SCFD2: variants seen among roughly 807,000 people sequenced by gnomAD.
SCFD2 encodes the protein sec1 family domain containing 2.
In SCFD2, 54 loss-of-function variants were observed where a neutral mutation model predicts 58.9. The observed-to-expected ratio is 0.92, with a 90% confidence interval of 0.74 to 1.15. The LOEUF (loss-of-function observed/expected upper bound fraction) is 1.15, where lower values mean the gene tolerates loss of function less well. SCFD2 is among the 50% of genes most tolerant of loss of function. The pLI, the probability that SCFD2 is intolerant of heterozygous loss-of-function variation, is 0.00. For missense variants in SCFD2, 805 were observed against 836.6 expected (o/e 0.96, Z 0.47); for synonymous variants, 321 against 335.9 (o/e 0.96, Z 0.49).
chr4:53,099,458 G>T (rs1349870604), intron 5 of SCFD2, among the ~76,000 whole-genome samples: 1 of 152,150 alleles, frequency 6.6e-6, no homozygotes. Context: ...AATATCTAAG[G>T]CTGGGTAATT....
At chr4:53,343,201 A>C (rs563393825) in intron 2 of SCFD2, among the ~76,000 whole-genome samples, 15 of 152,202 alleles carry the variant, frequency 9.9e-5, no homozygotes, top group Non-Finnish European at 2.2e-4. Flanking sequence ...AACAAAATTG[A>C]TAGACCGCTA....
chr4:53,256,929 G>T (rs1730661066), intron 4 of SCFD2, among the ~76,000 whole-genome samples: 1 of 134,276 alleles, frequency 7.4e-6, no homozygotes, highest in African/African-American at 2.7e-5. Flanking sequence ...GGAGGGGGAG[G>T]GGGAGGGAGA....
intron 4 of SCFD2, among the ~76,000 whole-genome samples, chr4:53,193,624 T>C (rs1328684493): frequency 2.0e-5 from 3 of 152,166 alleles, no homozygotes; most frequent in Non-Finnish European, 2.9e-5. Context: ...AAGGGAACTT[T>C]TGAGACTAAA....
At chr4:53,341,856 T>G (rs998179732) in intron 2 of SCFD2, among the ~76,000 whole-genome samples, 1 of 152,184 alleles carries the variant, frequency 6.6e-6, no homozygotes. Context: ...CCAGCCAAAC[T>G]AAGCTTCAGA....
At chr4:53,139,095 T>G (rs1250903114) in intron 5 of SCFD2, among the ~76,000 whole-genome samples, 1 of 152,170 alleles carries the variant, frequency 6.6e-6, no homozygotes, top group South Asian at 2.1e-4. Flanking sequence ...GGTCTCCAGC[T>G]CCTGACCGCA....
intron 2 of SCFD2, among the ~76,000 whole-genome samples, chr4:53,328,082 C>T (rs1733269712): frequency 6.6e-6 from 1 of 151,910 alleles, no homozygotes; most frequent in Admixed American, 6.6e-5. Flanking sequence ...TTGCAGTGAG[C>T]CGAGATAGTG....
chr4:52,922,654 G>C (rs1391196428), intron 5 of SCFD2, among the ~76,000 whole-genome samples: 1 of 152,184 alleles, frequency 6.6e-6, no homozygotes, highest in East Asian at 1.9e-4. Context: ...GTTATCATGA[G>C]TAATGCTGCT....
intron 4 of SCFD2, among the ~76,000 whole-genome samples, chr4:53,235,666 G>A (rs554798099): frequency 6.6e-6 from 1 of 152,228 alleles, no homozygotes; most frequent in Non-Finnish European, 1.5e-5. Flanking sequence ...TGAAGAGAAA[G>A]TAGCAATTGT....
intron 2 of SCFD2, among the ~76,000 whole-genome samples, chr4:53,315,214 GA>G (rs1239550824): frequency 3.6e-5 from 4 of 110,764 alleles, no homozygotes; most frequent in Non-Finnish European, 5.5e-5. Flanking sequence ...AGCCTGGGAA[GA>G]AGTTAAAACT....
chr4:53,234,525 C>G (rs575334193), intron 4 of SCFD2, among the ~76,000 whole-genome samples: 10 of 152,284 alleles, frequency 6.6e-5, no homozygotes, highest in African/African-American at 2.4e-4. Context: ...ATATGAATGT[C>G]TGAGGAGCCA....
At chr4:53,316,399 C>CT (rs1161130999) in intron 2 of SCFD2, among the ~76,000 whole-genome samples, 1 of 152,114 alleles carries the variant, frequency 6.6e-6, no homozygotes, top group African/African-American at 2.4e-5. Context: ...TTAATGCTCT[C>CT]TTTTTGGTAT....
At position 53,338,737 on chromosome 4, in the gene SCFD2, C is replaced by T. The variant is rs570672986; in HGVS notation, c.1007+13861G>A. On this transcript the variant is annotated intron_variant, in intron 2 of 8. Coordinates refer to ENST00000401642, the MANE Select transcript of SCFD2 (RefSeq NM_152540.4). ...CTGGGACCACAGGCACCCGCCACTA[C>T]GCCCGGCTAATTTTTTGTATTTTTA... 9.9e-5 allele frequency among the ~76,000 whole-genome samples: 15 copies of T among 151,606 alleles called. No homozygotes were observed. The South Asian group carries it at 1.7e-3, about 17-fold the overall frequency.
chr4:53,349,572 TTCTC>T (rs1436790413), intron 2 of SCFD2, among the ~76,000 whole-genome samples: 2 of 152,216 alleles, frequency 1.3e-5, no homozygotes, highest in East Asian at 1.9e-4. Flanking sequence ...CCCTAAGACT[TTCTC>T]TCTTGTCACT....
chr4:53,150,047 T>C (rs879748669), intron 4 of SCFD2, among the ~76,000 whole-genome samples: 11 of 152,248 alleles, frequency 7.2e-5, no homozygotes, highest in Admixed American at 2.6e-4. Flanking sequence ...AATGTACCCA[T>C]GTTAGTTTAT....
intron 5 of SCFD2, among the ~76,000 whole-genome samples, chr4:52,963,828 T>C (rs1379567703): frequency 6.6e-6 from 1 of 152,194 alleles, no homozygotes; most frequent in East Asian, 1.9e-4. Context: ...GGATAAAATG[T>C]TGCCTTTTGG....
intron 2 of SCFD2, among the ~76,000 whole-genome samples, chr4:53,318,939 G>C (rs1214922668): frequency 6.6e-6 from 1 of 152,106 alleles, no homozygotes; most frequent in African/African-American, 2.4e-5. Context: ...GCCTCAGAGA[G>C]GCAACTGACT....
chr4:53,303,867 C>T (rs979114612), intron 3 of SCFD2, among the ~76,000 whole-genome samples: 8 of 149,390 alleles, frequency 5.4e-5, no homozygotes, highest in Admixed American at 4.0e-4. Flanking sequence ...AAACCAAACA[C>T]CGCATGTTCT....
At chr4:53,322,351 C>T (rs1733050365) in intron 2 of SCFD2, among the ~76,000 whole-genome samples, 1 of 152,118 alleles carries the variant, frequency 6.6e-6, no homozygotes, top group African/African-American at 2.4e-5. Flanking sequence ...ACACTCCCAC[C>T]AGCACCATGA....
intron 5 of SCFD2, among the ~76,000 whole-genome samples, chr4:53,019,138 T>G (rs1463635041): frequency 3.9e-5 from 6 of 152,168 alleles, no homozygotes; most frequent in Non-Finnish European, 2.9e-5. Context: ...TTCTAAGACT[T>G]TCTCCTAAGG....
Sources: gnomAD v4.1 joint callset for allele counts (sites outside exome capture counted in the v4.1 genomes callset) on GRCh38, gnomAD v4.1.1 for gene constraint, MANE v1.5 for transcripts, NCBI Gene and HGNC (gene_info 2026-07-23, HGNC 2026-07-21) for gene names.